Variants in STARD6 observed in about 807,000 individuals in gnomAD.
STARD6 encodes stAR-related lipid transfer protein 6.
STARD6 carries 21 observed loss-of-function variants against 22.3 expected under a neutral mutation model. The observed-to-expected ratio is 0.94, with a 90% CI of 0.67 to 1.35. STARD6 has a LOEUF of 1.35. Ranked by LOEUF, STARD6 falls within the 40% of genes most tolerant of loss-of-function variation. STARD6 has a pLI of 0.00. For missense variants in STARD6, 269 were observed against 266.9 expected (o/e 1.01, Z -0.05); for synonymous variants, 80 against 88.1 (o/e 0.91, Z 0.52).
chr18:54,347,664 A>C (rs1407143830), intron 4 of STARD6, among the ~76,000 whole-genome samples: 1 of 152,120 alleles, frequency 6.6e-6, no homozygotes, highest in Non-Finnish European at 1.5e-5. Flanking sequence ...TGTTAAGTTT[A>C]GGAAGATATT....
At position 54,354,056 on chromosome 18, in the gene STARD6, A is replaced by C. The variant is rs2089121311; in HGVS notation, c.138T>G (p.Asn46Lys). The change falls in exon 4 of 8, where the codon AAT becomes AAG. Residue 46 changes from asparagine (N) to lysine (K), a missense_variant and splice_region_variant. By Grantham distance (94) the Asn-to-Lys change is moderately conservative (BLOSUM62 0). Coordinates refer to ENST00000307844, the MANE Select transcript of STARD6 (RefSeq NM_139171.2). ...TGTAAATAGAAGATTGTACTCACAG[A>C]TTTCCATGGAATTTTCTAGAAGCCT... is the stretch of plus-strand genomic sequence containing the variant. ...SSKASRKFHG[N>K]LYRVEGIIPE... 2 of 1,562,264 alleles carry C rather than the reference A, an allele frequency of 1.3e-6. No individual in the cohort carries two copies. Among genetic ancestry groups the C allele is most frequent in the Admixed American group, 1.8e-5 (1 of 55,090 alleles).
chr18:54,331,793 T>TA lies in STARD6; in HGVS notation c.333dup (p.Ile112TyrfsTer19). ...TAGCGCTTGATGTACACTAAGTCGATAAAGTCTCGAGGGGAAATGGAGCCC... is the reference window on the plus strand; with the variant it reads ...TAGCGCTTGATGTACACTAAGTCGATAAAAGTCTCGAGGGGAAATGGAGCCC... On this transcript the variant is annotated frameshift_variant, in exon 6 of 8. Transcript: ENST00000307844. The TA allele has an allele frequency of 6.2e-7, 1 of 1,613,454 alleles. No individual in the cohort carries two copies. The highest frequency in any genetic ancestry group is 2.2e-5 in the East Asian group (1 of 44,872).
intron 4 of STARD6, among the ~76,000 whole-genome samples, chr18:54,350,449 G>A (rs967944278): frequency 6.6e-6 from 1 of 152,056 alleles, no homozygotes; most frequent in African/African-American, 2.4e-5. Flanking sequence ...TTCCTCTGCC[G>A]ATTATTTCTT....
chr18:54,347,903 C>T (rs117825298), intron 4 of STARD6, among the ~76,000 whole-genome samples: 4 of 152,158 alleles, frequency 2.6e-5, no homozygotes, highest in Non-Finnish European at 5.9e-5. Flanking sequence ...TCATAATTCC[C>T]AGGTGTTGTA....
intron 1 of STARD6, chr18:54,357,110 G>C (rs574091500): frequency 6.6e-6 from 1 of 152,366 alleles, no homozygotes; most frequent in South Asian, 2.1e-4. Context: ...CATGGTCAAG[G>C]ATATCTTCAC....
chr18:54,335,661 T>G (rs139208914), intron 5 of STARD6, among the ~76,000 whole-genome samples: 278 of 152,298 alleles, frequency 1.8e-3, no homozygotes, highest in African/African-American at 6.5e-3. Context: ...AGGATCAGCC[T>G]GGTGATTCGA....
At chr18:54,352,298 C>T (rs2144696946) in intron 4 of STARD6, among the ~76,000 whole-genome samples, 1 of 152,100 alleles carries the variant, frequency 6.6e-6, no homozygotes, top group Non-Finnish European at 1.5e-5. Context: ...GTAATATCTC[C>T]CATTTCATTG....
At chr18:54,345,502 C>T (rs2089025817) in intron 4 of STARD6, among the ~76,000 whole-genome samples, 2 of 152,242 alleles carry the variant, frequency 1.3e-5, no homozygotes, top group South Asian at 4.1e-4. Flanking sequence ...CCAAATTGAA[C>T]TACAGAATCA....
intron 7 of STARD6, among the ~76,000 whole-genome samples, chr18:54,328,336 A>G (rs2144664681): frequency 6.6e-6 from 1 of 152,320 alleles, no homozygotes. Flanking sequence ...CCTGTGAAGC[A>G]CACTTTAAGC....
intron 4 of STARD6, among the ~76,000 whole-genome samples, chr18:54,352,800 C>T (rs1164976429): frequency 6.6e-6 from 1 of 152,154 alleles, no homozygotes; most frequent in African/African-American, 2.4e-5. Flanking sequence ...ATTTGTATAG[C>T]ACTCTCTAAA....
intron 4 of STARD6, among the ~76,000 whole-genome samples, chr18:54,351,976 ATTCCTTCT>A (rs1568174691): frequency 1.5e-5 from 2 of 129,378 alleles, no homozygotes; most frequent in African/African-American, 7.1e-5. Flanking sequence ...AGAATGGAGG[ATTCCTTCT>A]TTCTCTATCT....
chr18:54,357,472 G>A (rs896025329), intron 1 of STARD6, among the ~76,000 whole-genome samples: 1 of 152,158 alleles, frequency 6.6e-6, no homozygotes, highest in African/African-American at 2.4e-5. Flanking sequence ...GGTGAGGGGG[G>A]ACTGCCTACT....
intron 4 of STARD6, among the ~76,000 whole-genome samples, chr18:54,349,098 T>C (rs2089067300): frequency 6.6e-6 from 1 of 152,146 alleles, no homozygotes; most frequent in South Asian, 2.1e-4. Context: ...ATCAAGTTTA[T>C]ATTCTAATAT....
chr18:54,344,064 T>C (rs1223320885), intron 4 of STARD6, among the ~76,000 whole-genome samples: 6 of 44,610 alleles, frequency 1.3e-4, no homozygotes, highest in African/African-American at 2.4e-4. Flanking sequence ...CCACCCCGTC[T>C]GGGAGGTGTG....
Position 54,343,906 on chromosome 18 carries a change from T to C in STARD6, c.141-6655A>G, listed in dbSNP as rs1453261010. Among the ~76,000 whole-genome samples the C allele has an allele frequency of 1.0e-3, 33 of 31,446 alleles. 8 individuals are homozygous for C. Among genetic ancestry groups the C allele is most frequent in the Non-Finnish European group, 1.6e-3 (31 of 19,072 alleles). The allele number at this position is 31,446 out of a possible 152,430, so 20.6% of individuals were successfully genotyped here. On this transcript the variant is annotated intron_variant, in intron 4 of 7. Coordinates refer to ENST00000307844, the MANE Select transcript of STARD6 (RefSeq NM_139171.2). ...CCCGTCCGCGAGGGAGGTGGGGGGG[T>C]CAGCCCCCCGCCCGGCCAGCCGCCC...
rs140480255 is a variant in STARD6 at position 54,338,341 on chromosome 18, C to T, written c.141-1090G>A. On this transcript the variant is annotated intron_variant, in intron 4 of 7. Coordinates refer to ENST00000307844, the MANE Select transcript of STARD6 (RefSeq NM_139171.2). ...CACAAAACTCCCTGAATTACAAAAG[C>T]GGTCTTCAATCCACATACATATTTG... 5.3e-3 allele frequency among the ~76,000 whole-genome samples: 811 copies of T among 152,218 alleles called. 13 individuals are homozygous for T. The highest frequency in any genetic ancestry group is 0.019 in the African/African-American group (777 of 41,524).
intron 6 of STARD6, among the ~76,000 whole-genome samples, chr18:54,331,198 A>G (rs1235194787): frequency 6.6e-6 from 1 of 152,188 alleles, no homozygotes; most frequent in African/African-American, 2.4e-5. Flanking sequence ...TCTGTATGGT[A>G]TGAAATGGTA....
At chr18:54,328,864 C>T (rs950827599) in intron 7 of STARD6, among the ~76,000 whole-genome samples, 2 of 152,126 alleles carry the variant, frequency 1.3e-5, no homozygotes, top group Non-Finnish European at 2.9e-5. Flanking sequence ...CTGATTTCTT[C>T]GGCTTTTCTT....
At chr18:54,353,649 A>G (rs1235009815) in intron 4 of STARD6, among the ~76,000 whole-genome samples, 3 of 152,198 alleles carry the variant, frequency 2.0e-5, no homozygotes, top group African/African-American at 7.2e-5. Context: ...ACAGAGCAAG[A>G]CCCTGTCTCA....
Sources: gnomAD v4.1 joint callset for allele counts (sites outside exome capture counted in the v4.1 genomes callset) on GRCh38, gnomAD v4.1.1 for gene constraint, MANE v1.5 for transcripts, NCBI Gene and HGNC (gene_info 2026-07-23, HGNC 2026-07-21) for gene names.